PSMC2: variants seen among roughly 807,000 people sequenced by gnomAD.
PSMC2 encodes the protein 26S proteasome regulatory subunit 7.
Under a neutral mutation model 53.3 loss-of-function variants are expected in PSMC2, and 7 were observed. The observed-to-expected ratio is 0.13, with a 90% confidence interval of 0.07 to 0.25. The LOEUF (loss-of-function observed/expected upper bound fraction) is 0.25, where lower values mean the gene tolerates loss of function less well. PSMC2 is among the 10% of genes least tolerant of loss of function. The pLI is 1.00. For missense variants in PSMC2, 241 were observed against 544.0 expected, an observed-to-expected ratio of 0.44 and a Z score of 5.54; for synonymous variants, 169 against 183.9, an observed-to-expected ratio of 0.92 and a Z score of 0.66.
chr7:103,354,065 T>TA (rs1452560969), intron 2 of PSMC2, 107 bp downstream of exon 2: 2 of 840,204 alleles, frequency 2.4e-6, no homozygotes, highest in African/African-American at 1.8e-5. Flanking sequence ...AACCAAAAAT[T>TA]AAAAAACCAA....
chr7:103,363,995 A>G (rs1820557522), intron 7 of PSMC2, 148 bp from the exon 8 acceptor site: 2 of 708,280 alleles, frequency 2.8e-6, no homozygotes, highest in Non-Finnish European at 2.2e-6. Flanking sequence ...TCAAGTATGT[A>G]TATTGTGGAC....
chr7:103,348,503 A>G, intron 1 of PSMC2: 1 of 637,836 alleles, frequency 1.6e-6, no homozygotes, highest in Non-Finnish European at 2.9e-6. Context: ...ATGCGTATAC[A>G]GTAATGTATT....
Position 103,369,117 on chromosome 7 carries a change from G to C in PSMC2, c.*1063G>C, listed in dbSNP as rs2116285797. 1 of 152,258 alleles carries C rather than the reference G, an allele frequency of 6.6e-6. No homozygotes were observed. The highest frequency in any genetic ancestry group is 2.4e-5 in the African/African-American group (1 of 41,554). 9.4% of individuals were successfully genotyped at this position (152,258 alleles called of 1,614,324 possible). ...CACAATAGAAAAAGTTGACAACATA[G>C]AAAATGCTGCTTTGCACTGAAATAC... On this transcript the variant is annotated 3_prime_UTR_variant, in exon 12 of 12. Coordinates refer to ENST00000292644, the MANE Select transcript of PSMC2 (RefSeq NM_002803.4).
At chr7:103,362,567 T>A in intron 5 of PSMC2, 119 bp from the exon 6 acceptor site, 1 of 1,421,276 alleles carries the variant, frequency 7.0e-7, no homozygotes, top group Non-Finnish European at 9.5e-7. Context: ...TTTATATAAT[T>A]AGGGACTCTG....
rs1170894116 is a variant in PSMC2 at position 103,366,156 on chromosome 7, T to C, written c.837T>C (p.Ala279=). 6.2e-7 allele frequency: 1 copy of C among 1,611,900 alleles called. No homozygotes were observed. The highest frequency in any genetic ancestry group is 1.3e-5 in the African/African-American group (1 of 74,850). The change falls in exon 9 of 12, where the codon GCT becomes GCC. Residue 279 remains alanine (A), a synonymous_variant. Transcript: ENST00000292644. The part of the protein sequence containing the change: ...ACLIFFDEID[A]IGGARFDDGA... ...TTATCTTCTTTGATGAAATTGATGC[T>C]ATTGGAGGTGAGAATGATACGTTAG...
intron 6 of PSMC2, 68 bp from the exon 7 acceptor site, chr7:103,363,276 T>G: frequency 7.9e-7 from 1 of 1,263,252 alleles, no homozygotes; most frequent in Non-Finnish European, 1.2e-6. Context: ...TTAGGTCTAT[T>G]CTATTGAATT....
intron 1 of PSMC2, among the ~76,000 whole-genome samples, chr7:103,349,693 G>T (rs955765742): frequency 2.6e-5 from 4 of 152,012 alleles, no homozygotes; most frequent in Non-Finnish European, 5.9e-5. Context: ...CAGGTGATCC[G>T]CCCACCTTGG....
rs2116274307 is a variant in PSMC2, at chr7:103,367,468, G to A, written c.900G>A (p.Leu300=). 1 of 1,614,058 alleles carries A rather than the reference G, an allele frequency of 6.2e-7. No homozygotes were observed. Among genetic ancestry groups the A allele is most frequent in the Non-Finnish European group, 8.5e-7 (1 of 1,180,010 alleles). ...GGDNEVQRTM[L]ELINQLDGFD... ...ACAATGAAGTGCAGAGAACAATGTT[G>A]GAACTGATCAATCAGCTTGATGGTT... is the stretch of plus-strand genomic sequence containing the variant. The change falls in exon 10 of 12, where the codon TTG becomes TTA. Residue 300 remains leucine, a synonymous_variant. Transcript: ENST00000292644. This position sits in a 1 kb window ranked among gnomAD's most constrained non-coding sequence, Gnocchi z 6.1.
chr7:103,347,767 A>C lies in PSMC2; in HGVS notation c.56A>C (p.Asp19Ala), dbSNP rs767172349. Residue 19 changes from aspartate (D) to alanine (A), a missense_variant, in exon 1 of 12, where the codon GAC becomes GCC. Coordinates refer to ENST00000292644, the MANE Select transcript of PSMC2 (RefSeq NM_002803.4). The part of the protein sequence containing the change: ...QRKTKEDEKD[D>A]KPIRALDEGD... ...AAGACCAAAGAGGATGAGAAGGACG[A>C]CAAGCCCATCCGAGGTCAGTTGACA... 1 of 1,613,924 alleles carries C rather than the reference A, an allele frequency of 6.2e-7. No individual in the cohort carries two copies. Among genetic ancestry groups the C allele is most frequent in the South Asian group, 1.1e-5 (1 of 91,078 alleles).
chr7:103,361,720 T>A (rs1002708663), intron 4 of PSMC2, among the ~76,000 whole-genome samples: 1 of 152,282 alleles, frequency 6.6e-6, no homozygotes, highest in African/African-American at 2.4e-5. Context: ...GAGAACTTCT[T>A]AATGATGAGA....
rs758441633 is a variant in PSMC2, at chr7:103,367,872, C to T, written c.1145-25C>T. The T allele has an allele frequency of 9.9e-6, 16 of 1,611,232 alleles. No individual in the cohort carries two copies. Among genetic ancestry groups the T allele is most frequent in the Middle Eastern group, 1.7e-4 (1 of 6,050 alleles). ...CTGCTCAGGCTGCTTTAATTAAGCC[C>T]GTTTATTTTCTTTTTGTTTGAAAGG... On this transcript the variant is annotated intron_variant, in intron 11 of 11. Transcript: ENST00000292644. The surrounding 1 kb of genome is among the most constrained non-coding windows in gnomAD (Gnocchi z 6.1).
intron 1 of PSMC2, among the ~76,000 whole-genome samples, chr7:103,353,334 T>A (rs1186372684): frequency 6.6e-6 from 1 of 152,018 alleles, no homozygotes; most frequent in Non-Finnish European, 1.5e-5. Context: ...TGAGATGGAG[T>A]CTCTCTCGGT....
At chr7:103,365,065 G>C (rs1267888987) in intron 8 of PSMC2, among the ~76,000 whole-genome samples, 1 of 149,022 alleles carries the variant, frequency 6.7e-6, no homozygotes, top group Non-Finnish European at 1.5e-5. Flanking sequence ...AATTAGCTAC[G>C]GAGCTGCGTG....
chr7:103,360,728 A>G (rs1307990770), intron 4 of PSMC2, among the ~76,000 whole-genome samples: 1 of 152,228 alleles, frequency 6.6e-6, no homozygotes, highest in African/African-American at 2.4e-5. Context: ...AGAAGGGGAA[A>G]GGCGGTTGAC....
chr7:103,350,986 C>A (rs750882497), intron 1 of PSMC2, among the ~76,000 whole-genome samples: 1 of 152,084 alleles, frequency 6.6e-6, no homozygotes, highest in Non-Finnish European at 1.5e-5. Flanking sequence ...CCGCCTGCTT[C>A]TTTTCTTTCC....
At chr7:103,365,065 G>A (rs1267888987) in intron 8 of PSMC2, among the ~76,000 whole-genome samples, 1 of 149,022 alleles carries the variant, frequency 6.7e-6, no homozygotes, top group Non-Finnish European at 1.5e-5. Flanking sequence ...AATTAGCTAC[G>A]GAGCTGCGTG....
chr7:103,360,022 A>C (rs2116206360), intron 4 of PSMC2, among the ~76,000 whole-genome samples: 1 of 151,976 alleles, frequency 6.6e-6, no homozygotes. Flanking sequence ...CGGAAGTTGC[A>C]GTGAGTCAAG....
chr7:103,356,871 T>A (rs564050123), intron 4 of PSMC2, among the ~76,000 whole-genome samples: 1 of 152,326 alleles, frequency 6.6e-6, no homozygotes, highest in South Asian at 2.1e-4. Context: ...TATTCTCCTC[T>A]GTTTATAATC....
At chr7:103,366,408 C>T (rs1007866111) in intron 9 of PSMC2, among the ~76,000 whole-genome samples, 6 of 151,946 alleles carry the variant, frequency 3.9e-5, no homozygotes, top group South Asian at 4.2e-4. Flanking sequence ...ATCCCTTAGC[C>T]GAAATGTTTG....
Sources: gnomAD v4.1 joint callset for allele counts (sites outside exome capture counted in the v4.1 genomes callset) on GRCh38, gnomAD v4.1.1 for gene constraint, Gnocchi (gnomAD v3.1) non-coding constraint, MANE v1.5 for transcripts, NCBI Gene and HGNC (gene_info 2026-07-23, HGNC 2026-07-21) for gene names.